Variants in FAT3 observed in about 807,000 individuals in gnomAD.
FAT3 encodes the protein protocadherin Fat 3.
FAT3 carries 95 observed loss-of-function variants against 310.2 expected under a neutral mutation model. The observed-to-expected ratio is 0.31, with a 90% CI of 0.26 to 0.36. The LOEUF (loss-of-function observed/expected upper bound fraction) is 0.36. Among genes scored for constraint, FAT3 ranks in the 10% least tolerant of loss-of-function variants. FAT3 has a pLI of 1.00. For synonymous variants in FAT3, 2,314 were observed against 2,192.9 expected (o/e 1.06, Z -1.54); for missense variants, 5,408 against 5,715.6 (o/e 0.95, Z 1.74).
chr11:92,676,847 C>T (rs1282605619), intron 3 of FAT3, among the ~76,000 whole-genome samples: 1 of 152,196 alleles, frequency 6.6e-6, no homozygotes, highest in Non-Finnish European at 1.5e-5. Context: ...TATTTGGACT[C>T]TCTCATTTAT....
intron 3 of FAT3, among the ~76,000 whole-genome samples, chr11:92,600,018 G>A (rs1466636583): frequency 1.3e-5 from 2 of 152,186 alleles, no homozygotes; most frequent in African/African-American, 4.8e-5. Context: ...TAGGTTGTTG[G>A]CTGTCACCAT....
chr11:92,535,512 G>A (rs1954225909), intron 3 of FAT3, among the ~76,000 whole-genome samples: 1 of 152,176 alleles, frequency 6.6e-6, no homozygotes, highest in African/African-American at 2.4e-5. Flanking sequence ...TTCTCCTAAA[G>A]GAGGGAGGAA....
At chr11:92,517,598 G>T (rs1953530378) in intron 2 of FAT3, among the ~76,000 whole-genome samples, 1 of 152,122 alleles carries the variant, frequency 6.6e-6, no homozygotes, top group South Asian at 2.1e-4. Flanking sequence ...AAAAACAGTG[G>T]CAACAAAAGC....
intron 2 of FAT3, among the ~76,000 whole-genome samples, chr11:92,360,566 A>G (rs1948853458): frequency 6.6e-6 from 1 of 152,210 alleles, no homozygotes; most frequent in African/African-American, 2.4e-5. Context: ...ATATCTCAAA[A>G]TGTAATTTTC....
At chr11:92,581,412 G>C (rs1392023139) in intron 3 of FAT3, among the ~76,000 whole-genome samples, 1 of 151,980 alleles carries the variant, frequency 6.6e-6, no homozygotes, top group Non-Finnish European at 1.5e-5. Context: ...CTTACACTGG[G>C]GTGGTCCCTC....
chr11:92,345,025 A>G (rs955438443), intron 1 of FAT3, among the ~76,000 whole-genome samples: 1 of 152,168 alleles, frequency 6.6e-6, no homozygotes, highest in Admixed American at 6.5e-5. Context: ...TCTTTGTTCA[A>G]CTAGTGTTTC....
chr11:92,526,640 T>C (rs1324773245), intron 3 of FAT3, among the ~76,000 whole-genome samples: 1 of 152,202 alleles, frequency 6.6e-6, no homozygotes, highest in African/African-American at 2.4e-5. Flanking sequence ...GAGAAGAACA[T>C]GCTCATTCAT....
chr11:92,844,279 G>A lies in FAT3; in HGVS notation c.10912G>A (p.Glu3638Lys), dbSNP rs1206557124. ...ACCCATTGATGTGGTCGTGCATGTG[G>A]AGCAGTTGGTGCATGAGATGCTGCA... ...QVPIDVVVHV[E>K]QLVHEMLQNT... is the part of the protein sequence containing the mutation. Residue 3638 changes from glutamate to lysine, a missense_variant, in exon 19 of 28, where the codon GAG becomes AAG. This residue lies in a region of FAT3 where 4,588 missense variants were observed against 4,809.8 expected (regional missense o/e 0.95). Coordinates refer to ENST00000525166, the MANE Select transcript of FAT3 (RefSeq NM_001367949.2). 1 of 1,614,018 alleles carries A rather than the reference G, an allele frequency of 6.2e-7. No homozygotes were observed. The highest frequency in any genetic ancestry group is 8.5e-7 in the Non-Finnish European group (1 of 1,179,910).
At chr11:92,704,974 G>C (rs1944225756) in intron 4 of FAT3, among the ~76,000 whole-genome samples, 2 of 152,082 alleles carry the variant, frequency 1.3e-5, no homozygotes, top group Admixed American at 1.3e-4. Flanking sequence ...CATATTCCAA[G>C]GGAGAATTAT....
rs540596158 is a variant in FAT3 at position 92,637,325 on chromosome 11, A to G, written c.3608-60059A>G. On this transcript the variant is annotated intron_variant, in intron 3 of 27. Coordinates refer to ENST00000525166, the MANE Select transcript of FAT3 (RefSeq NM_001367949.2). Reference sequence around the variant, plus strand: ...ATGTGATTTACAGGTGTCTAGCCCTATTGTCCTGTTATCTTAGAAGAGAGG... The same window carrying G: ...ATGTGATTTACAGGTGTCTAGCCCTGTTGTCCTGTTATCTTAGAAGAGAGG... Among the ~76,000 whole-genome samples, 8 of 152,246 alleles carry G rather than the reference A, an allele frequency of 5.3e-5. No homozygotes were observed. The South Asian group carries it at 8.3e-4, about 16-fold the overall frequency.
At chr11:92,626,483 T>C (rs1792340) in intron 3 of FAT3, among the ~76,000 whole-genome samples, 196 of 152,010 alleles carry the variant, frequency 1.3e-3, no homozygotes, top group African/African-American at 2.6e-3. Context: ...TTTTTTTTTT[T>C]TCCCTTCAAA....
At chr11:92,518,636 T>G (rs968350139) in intron 2 of FAT3, among the ~76,000 whole-genome samples, 1 of 151,954 alleles carries the variant, frequency 6.6e-6, no homozygotes, top group Non-Finnish European at 1.5e-5. Context: ...GTTTTGCACA[T>G]GTATCCCAGA....
At position 92,286,171 on chromosome 11, in the gene FAT3, G is replaced by A. The variant is rs1330656127; in HGVS notation, c.-18+60997G>A. ...AGTTTTGGCAGTGGGGATACACATT[G>A]CCAGTGATGCTTTGTCATTCTGGCA... On this transcript the variant is annotated intron_variant, in intron 1 of 27. Coordinates refer to ENST00000525166, the MANE Select transcript of FAT3 (RefSeq NM_001367949.2). Among the ~76,000 whole-genome samples, 31 of 152,136 alleles carry A rather than the reference G, an allele frequency of 2.0e-4. 1 individual carries two copies. The highest frequency in any genetic ancestry group is 4.4e-5 in the Non-Finnish European group (3 of 68,034).
At chr11:92,594,854 T>C (rs1231415035) in intron 3 of FAT3, among the ~76,000 whole-genome samples, 1 of 152,132 alleles carries the variant, frequency 6.6e-6, no homozygotes, top group Non-Finnish European at 1.5e-5. Context: ...TCTATTTTAG[T>C]AGTACATCTA....
chr11:92,508,535 G>A (rs1000532257), intron 2 of FAT3, among the ~76,000 whole-genome samples: 7 of 152,224 alleles, frequency 4.6e-5, no homozygotes, highest in Non-Finnish European at 7.4e-5. Context: ...AAGTTTCAGC[G>A]TAAAAGGAGA....
chr11:92,806,523 A>C lies in FAT3; in HGVS notation c.9247+8A>C. 1 of 1,536,716 alleles carries C rather than the reference A, an allele frequency of 6.5e-7. No homozygotes were observed. Among genetic ancestry groups the C allele is most frequent in the Non-Finnish European group, 8.8e-7 (1 of 1,138,738 alleles). ...TTCTAGATCCAGAAAGTGGTAAGCT[A>C]AAATTTATTATTGAGATAAATGTCA... On this transcript the variant is annotated splice_region_variant and intron_variant, in intron 12 of 27. Transcript: ENST00000525166.
At chr11:92,808,356 G>A (rs1226499747) in intron 12 of FAT3, among the ~76,000 whole-genome samples, 1 of 152,196 alleles carries the variant, frequency 6.6e-6, no homozygotes, top group African/African-American at 2.4e-5. Context: ...ACTGCTTAAA[G>A]GAAGAACTAG....
In FAT3 at chr11:92,359,939, T is replaced by TA. The variant is rs531845570; in HGVS notation, c.3292+4536dup. Among the ~76,000 whole-genome samples the TA allele has an allele frequency of 2.8e-4, 40 of 144,834 alleles. No homozygotes were observed. The South Asian group carries it at 8.6e-3, about 31-fold the overall frequency. Reference sequence around the variant, plus strand: ...ATTGTGAATAATGCCGCAATAAACATACGTGTGCATGTGTCTTTATAGCAG... The same window carrying TA: ...ATTGTGAATAATGCCGCAATAAACATAACGTGTGCATGTGTCTTTATAGCAG... On this transcript the variant is annotated intron_variant, in intron 2 of 27. Transcript: ENST00000525166.
chr11:92,773,914 A>G (rs1341113114), intron 6 of FAT3, 127 bp from the exon 7 acceptor site: 1 of 900,164 alleles, frequency 1.1e-6, no homozygotes, highest in Non-Finnish European at 1.7e-6. Flanking sequence ...TAAGATGTAC[A>G]AAATTGAGCC....
Sources: gnomAD v4.1 joint callset for allele counts (sites outside exome capture counted in the v4.1 genomes callset) on GRCh38, gnomAD v4.1.1 for gene constraint, gnomAD v4.1.1 regional missense constraint, MANE v1.5 for transcripts, NCBI Gene and HGNC (gene_info 2026-07-23, HGNC 2026-07-21) for gene names.